Variants in FAAH2 observed in about 807,000 individuals in gnomAD.
The protein encoded by FAAH2 is fatty acid amide hydrolase 2, also known as fatty-acid amide hydrolase 2.
Under a neutral mutation model 36.9 loss-of-function variants are expected in FAAH2, and 60 were observed. That is an observed-to-expected ratio of 1.63 (90% CI 1.32 to 2.02). The LOEUF (loss-of-function observed/expected upper bound fraction) is 2.02, where lower values mean the gene tolerates loss of function less well. FAAH2 is among the 30% of genes most tolerant of loss of function. FAAH2 has a pLI of 0.00. For synonymous variants in FAAH2, 214 were observed against 143.8 expected, an observed-to-expected ratio of 1.49 and a Z score of -3.49; for missense variants, 689 against 397.5, an observed-to-expected ratio of 1.73 and a Z score of -6.23.
At chrX:57,160,132 G>A in the FAAH2 span, among the ~76,000 whole-genome samples, 7 of 111,581 alleles carry the variant, frequency 6.3e-5, no homozygotes, top group Middle Eastern at 4.6e-3. Flanking sequence ...TTATATGCTG[G>A]ATTACGTTTA....
At chrX:57,291,641 C>T (rs773975302) in intron 1 of FAAH2, among the ~76,000 whole-genome samples, 1 of 110,895 alleles carries the variant, frequency 9.0e-6, no homozygotes, top group African/African-American at 3.3e-5. Context: ...TTTTCCTTTC[C>T]TTCTTTTTTC....
At chrX:57,147,883 A>G in the FAAH2 span, among the ~76,000 whole-genome samples, 1 of 111,196 alleles carries the variant, frequency 9.0e-6, no homozygotes, top group Admixed American at 9.5e-5. Flanking sequence ...TTTCTTTTGG[A>G]GTTGATTTCT....
At chrX:57,390,040 A>G (rs1313763485) in intron 7 of FAAH2, among the ~76,000 whole-genome samples, 1 of 110,135 alleles carries the variant, frequency 9.1e-6, no homozygotes, top group East Asian at 2.8e-4. Context: ...CAATTAAGTT[A>G]TTTGTTTCTG....
intron 6 of FAAH2, among the ~76,000 whole-genome samples, chrX:57,379,767 A>G (rs1419372599): frequency 9.2e-6 from 1 of 108,447 alleles, no homozygotes; most frequent in African/African-American, 3.3e-5. Flanking sequence ...TGAATTCACT[A>G]CAAAGTGGTT....
At position 57,397,034 on chromosome X, in the gene FAAH2, G is replaced by C. The variant is rs370979136; in HGVS notation, c.996+16005G>C. On this transcript the variant is annotated intron_variant, in intron 7 of 10. Transcript: ENST00000374900. Reference sequence around the variant, plus strand: ...CCAGTGTTGGGTGCATATATATTTAGGATAGTTATATTTCTCATTATATAA... The same window carrying C: ...CCAGTGTTGGGTGCATATATATTTACGATAGTTATATTTCTCATTATATAA... Among the ~76,000 whole-genome samples the C allele has an allele frequency of 2.7e-5, 3 of 111,360 alleles. No homozygotes were observed. In the Admixed American group the frequency reaches 2.9e-4, roughly 11 times the overall value.
the FAAH2 span, among the ~76,000 whole-genome samples, chrX:57,193,722 G>A: frequency 3.6e-5 from 4 of 111,663 alleles, no homozygotes; most frequent in African/African-American, 6.5e-5. Flanking sequence ...CACATTCCCC[G>A]ATATTTATTA....
At chrX:57,435,173 A>G (rs1366893348) in intron 8 of FAAH2, among the ~76,000 whole-genome samples, 1 of 111,862 alleles carries the variant, frequency 8.9e-6, no homozygotes, top group Non-Finnish European at 1.9e-5. Context: ...ATGATAACTC[A>G]TTAACATATA....
intron 2 of FAAH2, among the ~76,000 whole-genome samples, chrX:57,295,073 G>T (rs1320657794): frequency 8.9e-6 from 1 of 112,026 alleles, no homozygotes; most frequent in East Asian, 2.8e-4. Flanking sequence ...AATGCCTGCA[G>T]AGCTGGGACC....
chrX:57,414,215 C>T (rs905493587), intron 7 of FAAH2, among the ~76,000 whole-genome samples: 1 of 111,761 alleles, frequency 8.9e-6, no homozygotes, highest in Non-Finnish European at 1.9e-5. Context: ...TTTCTCTTGC[C>T]CGATTGCCCT....
At chrX:57,475,933 G>A (rs755122271) in intron 10 of FAAH2, among the ~76,000 whole-genome samples, 1 of 111,011 alleles carries the variant, frequency 9.0e-6, no homozygotes, top group Non-Finnish European at 1.9e-5. Flanking sequence ...GTATTCCTAG[G>A]TATTTTATTC....
intron 2 of FAAH2, among the ~76,000 whole-genome samples, chrX:57,299,235 C>T (rs150688865): frequency 0.016 from 1,801 of 112,028 alleles, 13 homozygotes; most frequent in Middle Eastern, 0.037. Flanking sequence ...AATCCAGCAA[C>T]ACATGAAAAA....
the FAAH2 span, among the ~76,000 whole-genome samples, chrX:57,266,154 C>T: frequency 3.6e-5 from 4 of 111,821 alleles, no homozygotes; most frequent in South Asian, 1.1e-3. Flanking sequence ...TTCCTCCTGA[C>T]TGAACAAGAC....
At chrX:57,381,784 A>G (rs991280256) in intron 7 of FAAH2, among the ~76,000 whole-genome samples, 10 of 110,957 alleles carry the variant, frequency 9.0e-5, no homozygotes, top group African/African-American at 3.0e-4. Context: ...AAAATTAGCA[A>G]GGATATCCAG....
At chrX:57,254,510 C>A in the FAAH2 span, among the ~76,000 whole-genome samples, 4 of 111,777 alleles carry the variant, frequency 3.6e-5, no homozygotes, top group African/African-American at 6.5e-5. Flanking sequence ...CTAAAATTGA[C>A]CACATAGTTG....
chrX:57,465,259 A>T (rs1412176268), intron 10 of FAAH2, among the ~76,000 whole-genome samples: 1 of 111,464 alleles, frequency 9.0e-6, no homozygotes, highest in Admixed American at 9.6e-5. Context: ...GACCATTGTG[A>T]TACCCATCAA....
chrX:57,150,213 G>T, the FAAH2 span, among the ~76,000 whole-genome samples: 1 of 112,024 alleles, frequency 8.9e-6, no homozygotes, highest in Admixed American at 9.5e-5. Context: ...GTGTGATGTG[G>T]TGCTGAAAAG....
the FAAH2 span, among the ~76,000 whole-genome samples, chrX:57,193,620 T>C: frequency 8.9e-6 from 1 of 111,759 alleles, no homozygotes; most frequent in Non-Finnish European, 1.9e-5. Context: ...TGCCCAGCTT[T>C]AAAATTTCTC....
At chrX:57,238,586 A>G in the FAAH2 span, among the ~76,000 whole-genome samples, 1 of 111,437 alleles carries the variant, frequency 9.0e-6, no homozygotes, top group Non-Finnish European at 1.9e-5. Flanking sequence ...ATGACATGAG[A>G]TTACCTGTAT....
chrX:57,192,966 G>T, the FAAH2 span, among the ~76,000 whole-genome samples: 1 of 111,935 alleles, frequency 8.9e-6, no homozygotes, highest in Admixed American at 9.4e-5. Flanking sequence ...TGCACAAATT[G>T]TAGAGCATGT....
Sources: gnomAD v4.1 joint callset for allele counts (sites outside exome capture counted in the v4.1 genomes callset) on GRCh38, gnomAD v4.1.1 for gene constraint, MANE v1.5 for transcripts, NCBI Gene and HGNC (gene_info 2026-07-23, HGNC 2026-07-21) for gene names.